GALNS: variants seen among roughly 807,000 people sequenced by gnomAD.
GALNS encodes N-acetylgalactosamine-6-sulfatase.
A neutral mutation model predicts 65.9 loss-of-function variants in GALNS; 65 were observed. That is an observed-to-expected ratio of 0.99 (90% confidence interval 0.81 to 1.21). The LOEUF is 1.21. Ranked by LOEUF, GALNS falls within the 50% of genes most tolerant of loss-of-function variation. GALNS has a pLI of 0.00. For missense variants in GALNS, 776 were observed against 700.7 expected, an observed-to-expected ratio of 1.11 and a Z score of -1.21; for synonymous variants, 346 against 288.9, an observed-to-expected ratio of 1.20 and a Z score of -2.00.
chr16:88,822,455 A>C, intron 12 of GALNS, 134 bp downstream of exon 12: 5 of 1,168,132 alleles, frequency 4.3e-6, no homozygotes, highest in South Asian at 1.3e-5. Context: ...ACGTGTGGGT[A>C]TGAATAGCAA....
Position 88,836,208 on chromosome 16 carries a change from T to C in GALNS, c.626A>G (p.Tyr209Cys). 6.2e-7 allele frequency: 1 copy of C among 1,613,244 alleles called. No individual in the cohort carries two copies. Among genetic ancestry groups the C allele is most frequent in the Non-Finnish European group, 8.5e-7 (1 of 1,179,528 alleles). The change falls in exon 6 of 14, where the codon TAC becomes TGC. Residue 209 changes from tyrosine (Y) to cysteine (C), a missense_variant. Coordinates refer to ENST00000268695, the MANE Select transcript of GALNS (RefSeq NM_000512.5). ...KTGEANLTQIYLQEALDFIKR... is the reference protein window; with the variant it reads ...KTGEANLTQICLQEALDFIKR... ...TGGTGCGGTCCCCATCACCTGCAGG[T>C]AGATCTGGGTGAGGTTGGCTTCCCC...
intron 1 of GALNS, chr16:88,844,752 T>C (rs1292168612): frequency 6.6e-6 from 1 of 152,254 alleles, no homozygotes. Context: ...ATTCAACGCA[T>C]ATTTATTTCT....
chr16:88,839,112 C>T (rs568216551), intron 4 of GALNS, among the ~76,000 whole-genome samples: 3 of 152,180 alleles, frequency 2.0e-5, no homozygotes, highest in Non-Finnish European at 2.9e-5. Flanking sequence ...CGTGCGTCCA[C>T]GTCCGCAGGT....
At chr16:88,850,641 C>T (rs1967464057) in intron 1 of GALNS, among the ~76,000 whole-genome samples, 1 of 152,184 alleles carries the variant, frequency 6.6e-6, no homozygotes, top group South Asian at 2.1e-4. Context: ...ACGGGGAGGG[C>T]ATCAGCCAGG....
intron 8 of GALNS, among the ~76,000 whole-genome samples, chr16:88,833,223 G>A (rs1005790489): frequency 4.6e-5 from 7 of 151,946 alleles, no homozygotes; most frequent in African/African-American, 7.3e-5. Flanking sequence ...ACGGAACCTC[G>A]CAGGCAGCTC....
intron 9 of GALNS, among the ~76,000 whole-genome samples, chr16:88,831,251 G>A (rs1041882963): frequency 4.1e-5 from 6 of 147,720 alleles, no homozygotes; most frequent in East Asian, 2.0e-4. Flanking sequence ...GGAGGAGAGC[G>A]GTGAGGCCGA....
intron 13 of GALNS, chr16:88,815,477 T>C: frequency 1.0e-6 from 1 of 985,482 alleles, no homozygotes. Flanking sequence ...TGGGTGTGTG[T>C]GGACCTCACA....
intron 12 of GALNS, among the ~76,000 whole-genome samples, chr16:88,820,238 C>T (rs1182788191): frequency 6.6e-6 from 1 of 152,184 alleles, no homozygotes; most frequent in African/African-American, 2.4e-5. Context: ...AAGCAATTCT[C>T]CCGCCTCACC....
intron 12 of GALNS, among the ~76,000 whole-genome samples, chr16:88,819,648 T>A (rs1053780480): frequency 6.6e-6 from 1 of 152,200 alleles, no homozygotes; most frequent in African/African-American, 2.4e-5. Context: ...TCTTCCTGCC[T>A]CAGTCTCTTG....
At chr16:88,842,917 C>T (rs1439791329) in intron 1 of GALNS, 88 bp from the exon 2 acceptor site, 54 of 1,564,580 alleles carry the variant, frequency 3.5e-5, no homozygotes, top group East Asian at 1.4e-4. Flanking sequence ...AAGAGCGTGT[C>T]GGGGACCGTG....
intron 13 of GALNS, among the ~76,000 whole-genome samples, chr16:88,817,722 C>G (rs897893030): frequency 1.3e-5 from 2 of 152,156 alleles, no homozygotes; most frequent in African/African-American, 2.4e-5. Flanking sequence ...GGAGAGGGGC[C>G]TTGGAGCTCC....
chr16:88,821,564 A>G (rs1285683400), intron 12 of GALNS, among the ~76,000 whole-genome samples: 3 of 152,124 alleles, frequency 2.0e-5, no homozygotes, highest in African/African-American at 7.2e-5. Flanking sequence ...GAAGTGCCCA[A>G]GGGATCCCTG....
chr16:88,817,987 C>T lies in GALNS; in HGVS notation c.1482+20G>A. 6.4e-7 allele frequency: 1 copy of T among 1,555,212 alleles called. No homozygotes were observed. ...TGCAGCCCCGGCAAAGAGACGGCCG[C>T]CCACACACCAGCCACTTACCATGAC... On this transcript the variant is annotated intron_variant, in intron 13 of 13. Transcript: ENST00000268695.
At chr16:88,855,205 T>C (rs1002735179) in intron 1 of GALNS, 13 of 691,216 alleles carry the variant, frequency 1.9e-5, no homozygotes, top group East Asian at 8.2e-5. Context: ...TAAAAAATTA[T>C]TCATGAGCTG....
chr16:88,817,645 G>A (rs1279403858), intron 13 of GALNS, among the ~76,000 whole-genome samples: 3 of 152,220 alleles, frequency 2.0e-5, no homozygotes, highest in Non-Finnish European at 4.4e-5. Flanking sequence ...CCGTGTGGGA[G>A]TCGAGGACCA....
chr16:88,824,201 C>T (rs1010621296), intron 11 of GALNS, among the ~76,000 whole-genome samples: 2 of 151,764 alleles, frequency 1.3e-5, no homozygotes, highest in African/African-American at 2.4e-5. Flanking sequence ...GATGCTGGAG[C>T]GTAGGGGTCA....
chr16:88,837,869 C>G, intron 4 of GALNS, 104 bp from the exon 5 acceptor site: 1 of 1,171,720 alleles, frequency 8.5e-7, no homozygotes, highest in Non-Finnish European at 1.3e-6. Flanking sequence ...GTAAGACGAG[C>G]ACCCTCCAGC....
At position 88,854,472 on chromosome 16, in the gene GALNS, CCT is replaced by C. The variant is rs1428784388; in HGVS notation, c.120+2284_120+2285del. On this transcript the variant is annotated intron_variant, in intron 1 of 13. Coordinates refer to ENST00000268695, the MANE Select transcript of GALNS (RefSeq NM_000512.5). The stretch of plus-strand genomic sequence containing the variant: ...GCACCATGGGCCCTTCAGGGAACCC[CCT>C]CTCTGCTGGGTCCAGGCAGATGAGA... Among the ~76,000 whole-genome samples the C allele has an allele frequency of 1.5e-4, 23 of 152,314 alleles. 1 individual carries two copies. In the South Asian group the frequency reaches 3.9e-3, roughly 26 times the overall value.
intron 1 of GALNS, among the ~76,000 whole-genome samples, chr16:88,854,119 G>A (rs891337983): frequency 6.6e-6 from 1 of 152,192 alleles, no homozygotes; most frequent in Non-Finnish European, 1.5e-5. Context: ...TCCCTGGAGG[G>A]CCATGCTCCA....
Sources: allele counts gnomAD v4.1 joint callset (sites outside exome capture counted in the v4.1 genomes callset), GRCh38; gene constraint gnomAD v4.1.1; transcripts MANE v1.5; gene names NCBI Gene and HGNC (gene_info 2026-07-23, HGNC 2026-07-21).